The following RABGAP1L variants were observed in gnomAD, a reference collection of about 807,000 sequenced individuals.
RABGAP1L encodes RAB GTPase activating protein 1 like.
In RABGAP1L, 63 loss-of-function variants were observed where a neutral mutation model predicts 137.7. The observed-to-expected ratio is 0.46, with a 90% confidence interval of 0.37 to 0.56. RABGAP1L has a LOEUF of 0.56. RABGAP1L is among the 20% of genes least tolerant of loss of function. The probability of loss-of-function intolerance (pLI) is 0.00; values close to 1 mark genes in which losing one functional copy is unlikely to be tolerated. For synonymous variants in RABGAP1L, 431 were observed against 433.7 expected (o/e 0.99, Z 0.08); for missense variants, 1,095 against 1,244.0 (o/e 0.88, Z 1.80).
chr1:174,528,584 G>GT (rs1398905381), intron 13 of RABGAP1L, among the ~76,000 whole-genome samples: 2,773 of 133,704 alleles, frequency 0.021, 38 homozygotes, highest in African/African-American at 0.035. Flanking sequence ...TAGTCTGATG[G>GT]TTTTTTTTTT....
At chr1:174,535,822 C>A (rs1323352141) in intron 13 of RABGAP1L, among the ~76,000 whole-genome samples, 1 of 152,016 alleles carries the variant, frequency 6.6e-6, no homozygotes, top group African/African-American at 2.4e-5. Context: ...AAATAGAAAA[C>A]TCAAAATGTC....
Position 174,171,591 on chromosome 1 carries a change from C to T in RABGAP1L, c.-34+11934C>T, listed in dbSNP as rs554225672. Among the ~76,000 whole-genome samples the T allele has an allele frequency of 1.8e-4, 27 of 151,972 alleles. 1 individual carries two copies. Among genetic ancestry groups the T allele is most frequent in the African/African-American group, 6.3e-4 (26 of 41,440 alleles). On this transcript the variant is annotated intron_variant, in intron 1 of 25. Transcript: ENST00000681986. ...CATTAGCTCTCTAGACTTATTCATC[C>T]TACATAACTGCGAGTTTGTACCCTT... is the stretch of plus-strand genomic sequence containing the variant.
At chr1:174,586,708 C>T (rs991890642) in intron 13 of RABGAP1L, among the ~76,000 whole-genome samples, 21 of 152,136 alleles carry the variant, frequency 1.4e-4, no homozygotes, top group Non-Finnish European at 2.9e-4. Context: ...AGCAATTCTC[C>T]TGCCTCAGCC....
At chr1:174,340,124 T>C (rs1286589183) in intron 11 of RABGAP1L, among the ~76,000 whole-genome samples, 6 of 152,236 alleles carry the variant, frequency 3.9e-5, no homozygotes, top group African/African-American at 1.4e-4. Context: ...CACTTAGTAC[T>C]TTGTAGATAT....
At chr1:174,350,142 C>T (rs1395053370) in intron 11 of RABGAP1L, among the ~76,000 whole-genome samples, 3 of 136,080 alleles carry the variant, frequency 2.2e-5, no homozygotes, top group Non-Finnish European at 4.8e-5. Context: ...GGGGGGCTGA[C>T]CCCCCACCTC....
At chr1:174,613,968 G>C (rs1303274003) in intron 13 of RABGAP1L, among the ~76,000 whole-genome samples, 1 of 152,084 alleles carries the variant, frequency 6.6e-6, no homozygotes, top group East Asian at 1.9e-4. Context: ...CATGAGATGG[G>C]TTTCCTGAAT....
chr1:174,583,006 A>T (rs1156722036), intron 13 of RABGAP1L, among the ~76,000 whole-genome samples: 1 of 152,230 alleles, frequency 6.6e-6, no homozygotes, highest in Non-Finnish European at 1.5e-5. Context: ...TTAACACACA[A>T]AAAGGATTTA....
At position 174,416,035 on chromosome 1, in the gene RABGAP1L, T is replaced by TATATATATATACACATATAC. The variant is rs943543276; in HGVS notation, c.1710+21891_1710+21892insTATATATATACACATATACA. ...GAAAATTTACATATATATATATATA[T>TATATATATATACACATATAC]ACACACACATTTTTTTTTTCCTGTT... On this transcript the variant is annotated intron_variant, in intron 13 of 25. Transcript: ENST00000681986. 6.7e-4 allele frequency among the ~76,000 whole-genome samples: 56 copies of TATATATATATACACATATAC among 83,788 alleles called. 5 individuals carry two copies. Among genetic ancestry groups the TATATATATATACACATATAC allele is most frequent in the African/African-American group, 3.9e-3 (56 of 14,252 alleles). 55.0% of individuals were successfully genotyped at this position (83,788 alleles called of 152,430 possible).
At chr1:174,767,047 A>G (rs1376281244) in intron 18 of RABGAP1L, among the ~76,000 whole-genome samples, 4 of 152,192 alleles carry the variant, frequency 2.6e-5, no homozygotes, top group Non-Finnish European at 2.9e-5. Context: ...CTTTGAATCT[A>G]CCTGTGACCC....
At chr1:174,417,342 T>A (rs1165160477) in intron 13 of RABGAP1L, among the ~76,000 whole-genome samples, 2 of 152,210 alleles carry the variant, frequency 1.3e-5, no homozygotes, top group African/African-American at 2.4e-5. Flanking sequence ...TGCTAAATCT[T>A]ATACAAATGA....
At chr1:174,822,571 C>A (rs1328282834) in intron 19 of RABGAP1L, among the ~76,000 whole-genome samples, 2 of 152,204 alleles carry the variant, frequency 1.3e-5, no homozygotes, top group African/African-American at 4.8e-5. Flanking sequence ...GGATCATTTT[C>A]ATGGAAGACA....
intron 18 of RABGAP1L, among the ~76,000 whole-genome samples, chr1:174,753,946 G>A (rs1422494593): frequency 6.6e-6 from 1 of 152,084 alleles, no homozygotes; most frequent in Admixed American, 6.6e-5. Context: ...TCTGTCTTTT[G>A]AGTAACCCAG....
At chr1:174,353,096 A>G (rs1240247247) in intron 11 of RABGAP1L, among the ~76,000 whole-genome samples, 4 of 151,988 alleles carry the variant, frequency 2.6e-5, no homozygotes, top group East Asian at 1.9e-4. Flanking sequence ...GCTGATGTTT[A>G]TTTTAGGCCC....
chr1:174,809,454 C>T (rs908364586), intron 18 of RABGAP1L, among the ~76,000 whole-genome samples: 7 of 152,196 alleles, frequency 4.6e-5, no homozygotes, highest in African/African-American at 1.7e-4. Flanking sequence ...TAGGATTCCT[C>T]ATTCTTGATA....
At chr1:174,702,281 A>G in intron 17 of RABGAP1L, 25 bp downstream of exon 17, 1 of 1,550,630 alleles carries the variant, frequency 6.4e-7, no homozygotes, top group Non-Finnish European at 8.7e-7. Flanking sequence ...ATCTTTCACT[A>G]AGCCAAAATA....
At chr1:174,588,804 T>C (rs1390809929) in intron 13 of RABGAP1L, among the ~76,000 whole-genome samples, 3 of 152,216 alleles carry the variant, frequency 2.0e-5, no homozygotes, top group African/African-American at 7.2e-5. Context: ...GGCTGAATAG[T>C]ACTCCATTGT....
At chr1:174,514,145 A>G (rs1662589348) in intron 13 of RABGAP1L, among the ~76,000 whole-genome samples, 2 of 151,942 alleles carry the variant, frequency 1.3e-5, no homozygotes, top group Admixed American at 1.3e-4. Flanking sequence ...ACTATTAGAT[A>G]AGAAGTTGCT....
chr1:174,806,381 C>T (rs1558098058), intron 18 of RABGAP1L, among the ~76,000 whole-genome samples: 1 of 152,158 alleles, frequency 6.6e-6, no homozygotes, highest in Non-Finnish European at 1.5e-5. Context: ...AGGAGAATGG[C>T]TTGAGGCCAG....
chr1:174,907,669 T>C (rs1031095099), intron 19 of RABGAP1L, among the ~76,000 whole-genome samples: 2 of 152,238 alleles, frequency 1.3e-5, no homozygotes, highest in South Asian at 4.1e-4. Flanking sequence ...TGCTTTTTTT[T>C]CTCATGATAA....
Sources: gnomAD v4.1 joint callset for allele counts (sites outside exome capture counted in the v4.1 genomes callset) on GRCh38, gnomAD v4.1.1 for gene constraint, MANE v1.5 for transcripts, NCBI Gene and HGNC (gene_info 2026-07-23, HGNC 2026-07-21) for gene names.